Variants in RPH3AL observed in about 807,000 individuals in gnomAD.
RPH3AL encodes rabphilin 3A like (without C2 domains).
Under a neutral mutation model 43.1 loss-of-function variants are expected in RPH3AL, and 38 were observed. The ratio of observed to expected loss-of-function variants is 0.88; its 90% CI spans 0.68 to 1.15. The LOEUF (loss-of-function observed/expected upper bound fraction) is 1.15. RPH3AL is among the 50% of genes most tolerant of loss of function. The pLI, the probability that RPH3AL is intolerant of heterozygous loss-of-function variation, is 0.00. For synonymous variants in RPH3AL, 189 were observed against 176.3 expected, an observed-to-expected ratio of 1.07 and a Z score of -0.57; for missense variants, 462 against 423.2, an observed-to-expected ratio of 1.09 and a Z score of -0.81.
At chr17:238,684 G>T (rs975371820) in intron 7 of RPH3AL, among the ~76,000 whole-genome samples, 5 of 152,190 alleles carry the variant, frequency 3.3e-5, no homozygotes, top group African/African-American at 1.2e-4. Context: ...ATGAGAAAAA[G>T]ATGTACTCTT....
chr17:311,723 C>A (rs901870159), intron 5 of RPH3AL, among the ~76,000 whole-genome samples: 3 of 152,204 alleles, frequency 2.0e-5, no homozygotes, highest in African/African-American at 7.2e-5. Context: ...CGTTTCCCTG[C>A]CGGCTCAGGA....
At chr17:214,525 G>A (rs1256898755) in intron 9 of RPH3AL, among the ~76,000 whole-genome samples, 7 of 152,204 alleles carry the variant, frequency 4.6e-5, no homozygotes, top group Admixed American at 1.3e-4. Context: ...CAACACTTTG[G>A]GAGGCCAAGG....
chr17:327,716 G>A, intron 2 of RPH3AL, 137 bp from the exon 3 acceptor site: 2 of 606,472 alleles, frequency 3.3e-6, no homozygotes, highest in South Asian at 3.8e-5. Flanking sequence ...TCTCACTGTG[G>A]GAACCATCTC....
chr17:284,042 CAG>C (rs1191152855), intron 5 of RPH3AL, among the ~76,000 whole-genome samples: 1 of 152,182 alleles, frequency 6.6e-6, no homozygotes, highest in African/African-American at 2.4e-5. Flanking sequence ...GTGTGGCCCT[CAG>C]AGACGTGAGC....
Position 327,524 on chromosome 17 carries a change from C to G in RPH3AL, c.20G>C (p.Gly7Ala). The stretch of plus-strand genomic sequence containing the variant: ...GCAAACCCACTGATCATTCCCGCTG[C>G]CGAAGATGGTGTCGGCCATGGCTCG... MADTIF[G>A]SGNDQWVCPN... The change falls in exon 3 of 10, where the codon GGC becomes GCC. Residue 7 changes from glycine to alanine, a missense_variant. Gly to Ala is a moderately conservative substitution (Grantham distance 60, BLOSUM62 0). Coordinates refer to ENST00000331302, the MANE Select transcript of RPH3AL (RefSeq NM_006987.4). The G allele has an allele frequency of 6.2e-7, 1 of 1,613,880 alleles. No homozygotes were observed. Among genetic ancestry groups the G allele is most frequent in the Admixed American group, 1.7e-5 (1 of 60,014 alleles).
chr17:352,104 C>T (rs2045365024), intron 1 of RPH3AL, among the ~76,000 whole-genome samples: 1 of 152,210 alleles, frequency 6.6e-6, no homozygotes, highest in South Asian at 2.1e-4. Flanking sequence ...TTCTTTGTGG[C>T]CCCTGGGTTT....
intron 6 of RPH3AL, among the ~76,000 whole-genome samples, chr17:263,907 C>T (rs889853598): frequency 1.3e-5 from 2 of 152,160 alleles, no homozygotes; most frequent in South Asian, 2.1e-4. Context: ...GTGGGCACCT[C>T]GACGGGTTTT....
chr17:312,731 T>C (rs1256228590), intron 5 of RPH3AL, among the ~76,000 whole-genome samples: 2 of 152,200 alleles, frequency 1.3e-5, no homozygotes, highest in Non-Finnish European at 2.9e-5. Flanking sequence ...GACAGAAGCT[T>C]AATGACCCCA....
At chr17:237,436 G>T (rs2041424757) in intron 7 of RPH3AL, among the ~76,000 whole-genome samples, 1 of 152,196 alleles carries the variant, frequency 6.6e-6, no homozygotes, top group Non-Finnish European at 1.5e-5. Flanking sequence ...CCCCTCTGGG[G>T]AAGGATGGAC....
intron 7 of RPH3AL, among the ~76,000 whole-genome samples, chr17:231,721 G>A (rs1408997631): frequency 6.6e-6 from 1 of 152,248 alleles, no homozygotes; most frequent in Non-Finnish European, 1.5e-5. Context: ...TGGGGGCTGG[G>A]CCCCACTCTC....
At chr17:293,601 G>A (rs1336557973) in intron 5 of RPH3AL, among the ~76,000 whole-genome samples, 1 of 152,200 alleles carries the variant, frequency 6.6e-6, no homozygotes, top group Non-Finnish European at 1.5e-5. Context: ...CGGGAAACAG[G>A]AGGTTTGAGC....
chr17:314,546 C>G (rs1040181066), intron 5 of RPH3AL, among the ~76,000 whole-genome samples: 1 of 146,498 alleles, frequency 6.8e-6, no homozygotes, highest in South Asian at 2.2e-4. Flanking sequence ...CTCCATTGAC[C>G]TGTAGTCTCT....
intron 6 of RPH3AL, among the ~76,000 whole-genome samples, chr17:258,456 A>G (rs2042118171): frequency 6.6e-6 from 1 of 152,178 alleles, no homozygotes. Flanking sequence ...TTCAGATTAA[A>G]AGAGGGATAA....
At position 321,015 on chromosome 17, in the gene RPH3AL, C is replaced by T. The variant is rs556931137; in HGVS notation, c.221+257G>A. On this transcript the variant is annotated intron_variant, in intron 4 of 9. Transcript: ENST00000331302. ...TGGGAGGCTTCACCAGGCTCATTCA[C>T]GCCCTCAGCATGGGGCGCACAGCTC... 5.3e-4 allele frequency among the ~76,000 whole-genome samples: 80 copies of T among 152,340 alleles called. No individual in the cohort carries two copies. In the South Asian group the frequency reaches 0.012, roughly 23 times the overall value.
intron 5 of RPH3AL, among the ~76,000 whole-genome samples, chr17:307,300 CGGCA>C (rs1555568590): frequency 5.8e-3 from 19 of 3,276 alleles, no homozygotes; most frequent in East Asian, 0.026. Flanking sequence ...GTCCATCCCA[CGGCA>C]GGTCCTCCCC....
At chr17:335,192 G>A (rs1306940952) in intron 1 of RPH3AL, among the ~76,000 whole-genome samples, 1 of 152,200 alleles carries the variant, frequency 6.6e-6, no homozygotes, top group Non-Finnish European at 1.5e-5. Context: ...CTGTGACAAA[G>A]GGGGCCCGGG....
intron 6 of RPH3AL, among the ~76,000 whole-genome samples, chr17:268,566 T>TTG (rs1179323905): frequency 5.2e-5 from 7 of 135,606 alleles, no homozygotes; most frequent in Non-Finnish European, 7.9e-5. Context: ...TTTTTTTTTT[T>TTG]TTTTTTTTTT....
At chr17:258,052 G>A (rs60727688) in intron 6 of RPH3AL, among the ~76,000 whole-genome samples, 10,117 of 150,956 alleles carry the variant, frequency 0.067, 419 homozygotes, top group South Asian at 0.14. Flanking sequence ...ACTTCTTCAG[G>A]GCTCACGCAC....
At chr17:265,513 C>T (rs913058665) in intron 6 of RPH3AL, among the ~76,000 whole-genome samples, 1 of 152,204 alleles carries the variant, frequency 6.6e-6, no homozygotes, top group South Asian at 2.1e-4. Context: ...GAAAAACGTT[C>T]GTCATCCTGA....
Sources: gnomAD v4.1 joint callset for allele counts (sites outside exome capture counted in the v4.1 genomes callset) on GRCh38, gnomAD v4.1.1 for gene constraint, MANE v1.5 for transcripts, NCBI Gene and HGNC (gene_info 2026-07-23, HGNC 2026-07-21) for gene names.